The following EFCAB11 variants were observed in gnomAD, a reference collection of about 807,000 sequenced individuals.
EFCAB11 encodes EF-hand calcium-binding domain-containing protein 11.
EFCAB11 carries 14 observed loss-of-function variants against 23.0 expected under a neutral mutation model. The ratio of observed to expected loss-of-function variants is 0.61; its 90% CI spans 0.40 to 0.95. The LOEUF is 0.95. Ranked by LOEUF, EFCAB11 falls within the 40% of genes least tolerant of loss-of-function variation. The pLI is 0.00. For synonymous variants in EFCAB11, 65 were observed against 66.6 expected, an observed-to-expected ratio of 0.98 and a Z score of 0.11; for missense variants, 198 against 195.8, an observed-to-expected ratio of 1.01 and a Z score of -0.07.
chr14:89,860,037 C>T lies in EFCAB11; in HGVS notation c.411-62713G>A, dbSNP rs191003503. On this transcript the variant is annotated intron_variant, in intron 5 of 5. Transcript: ENST00000316738. Reference sequence around the variant, plus strand: ...GTCCTATGACTCTGGTTCTAACGTGCTTTTTCCTTTATTGGCTCCTTTTAG... The same window carrying T: ...GTCCTATGACTCTGGTTCTAACGTGTTTTTTCCTTTATTGGCTCCTTTTAG... 5.9e-5 allele frequency among the ~76,000 whole-genome samples: 9 copies of T among 152,214 alleles called. No individual in the cohort carries two copies. In the East Asian group the frequency reaches 1.5e-3, roughly 26 times the overall value.
intron 5 of EFCAB11, among the ~76,000 whole-genome samples, chr14:89,838,452 A>C (rs118025688): frequency 0.012 from 1,803 of 152,064 alleles, 13 homozygotes; most frequent in Non-Finnish European, 0.019. Context: ...GGAAAAAAAA[A>C]AACCAAAAAA....
At chr14:89,932,714 T>C (rs3752966) in intron 3 of EFCAB11, 87 bp from the exon 4 acceptor site, 145,172 of 975,496 alleles carry the variant, frequency 0.15, 13,877 homozygotes, top group Admixed American at 0.31. Context: ...GTAATAAATC[T>C]CACCAATAAT....
At chr14:89,892,447 C>T (rs1364455548) in intron 5 of EFCAB11, 2 of 1,544,388 alleles carry the variant, frequency 1.3e-6, no homozygotes, top group African/African-American at 2.7e-5. Flanking sequence ...AGTGTTGACT[C>T]TAGGAGAGAA....
chr14:89,858,169 C>T (rs1013019924), intron 5 of EFCAB11, among the ~76,000 whole-genome samples: 23 of 152,186 alleles, frequency 1.5e-4, no homozygotes, highest in African/African-American at 5.3e-4. Context: ...GGCTCTCTTG[C>T]CATGTGGTGA....
chr14:89,934,435 G>C (rs1890508614), intron 3 of EFCAB11, among the ~76,000 whole-genome samples: 1 of 152,162 alleles, frequency 6.6e-6, no homozygotes, highest in Admixed American at 6.5e-5. Flanking sequence ...GCTACTTAAA[G>C]AGAGGAGAAA....
chr14:89,826,860 T>C (rs961811683), intron 5 of EFCAB11, among the ~76,000 whole-genome samples: 6 of 152,136 alleles, frequency 3.9e-5, no homozygotes, highest in East Asian at 3.9e-4. Context: ...CCACAGGGGA[T>C]AGTTTGATTA....
chr14:89,872,830 C>T (rs1174211839), intron 5 of EFCAB11, among the ~76,000 whole-genome samples: 4 of 150,296 alleles, frequency 2.7e-5, no homozygotes, highest in South Asian at 2.1e-4. Context: ...AGAATATGAC[C>T]GTATCCTTAT....
chr14:89,917,060 G>GTC (rs1423171547), intron 5 of EFCAB11, among the ~76,000 whole-genome samples: 2 of 92,630 alleles, frequency 2.2e-5, no homozygotes, highest in East Asian at 6.9e-4. Context: ...CTTCGTGTGT[G>GTC]TGTGTGTGTG....
At chr14:89,916,374 G>C (rs1037033757) in intron 5 of EFCAB11, among the ~76,000 whole-genome samples, 59 of 152,308 alleles carry the variant, frequency 3.9e-4, no homozygotes, top group African/African-American at 1.3e-3. Context: ...ATTTGACTCT[G>C]ATGGCAGGGT....
chr14:89,819,497 A>G (rs887506029), intron 5 of EFCAB11, among the ~76,000 whole-genome samples: 1 of 151,998 alleles, frequency 6.6e-6, no homozygotes, highest in African/African-American at 2.4e-5. Flanking sequence ...ACAGCTCACT[A>G]CAGCCTAAAA....
At chr14:89,860,998 A>G (rs61998717) in intron 5 of EFCAB11, among the ~76,000 whole-genome samples, 3,133 of 152,284 alleles carry the variant, frequency 0.021, 52 homozygotes, top group Non-Finnish European at 0.03. Context: ...CTCAAAGGTC[A>G]ACATTTTGTC....
At chr14:89,893,297 G>A (rs1889040197) in intron 5 of EFCAB11, among the ~76,000 whole-genome samples, 1 of 152,176 alleles carries the variant, frequency 6.6e-6, no homozygotes, top group African/African-American at 2.4e-5. Context: ...AATATGTGAT[G>A]TCAAACCCAG....
chr14:89,942,824 A>T (rs1341060505), intron 3 of EFCAB11, among the ~76,000 whole-genome samples: 3 of 152,160 alleles, frequency 2.0e-5, no homozygotes, highest in African/African-American at 7.2e-5. Context: ...CTTTACTCTT[A>T]TTTCTACTAG....
At chr14:89,842,637 GATATA>G (rs1555372123) in intron 5 of EFCAB11, among the ~76,000 whole-genome samples, 2 of 49,076 alleles carry the variant, frequency 4.1e-5, no homozygotes, top group South Asian at 4.7e-4. Context: ...GATATGATAT[GATATA>G]ATATAATGTC....
rs968257025 is a variant in EFCAB11, at chr14:89,850,402, G to C, written c.411-53078C>G. Among the ~76,000 whole-genome samples, 26 of 152,166 alleles carry C rather than the reference G, an allele frequency of 1.7e-4. 1 individual carries two copies. Among genetic ancestry groups the C allele is most frequent in the Admixed American group, 1.7e-3 (26 of 15,280 alleles). ...GTCTGCACACCAGTAATATCATATG[G>C]GAGCTTGTTAGATGCTAATTTTAGG... is the stretch of plus-strand genomic sequence containing the variant. On this transcript the variant is annotated intron_variant, in intron 5 of 5. Coordinates refer to ENST00000316738, the MANE Select transcript of EFCAB11 (RefSeq NM_145231.4).
chr14:89,850,287 T>C (rs1423487208), intron 5 of EFCAB11, among the ~76,000 whole-genome samples: 1 of 152,222 alleles, frequency 6.6e-6, no homozygotes, highest in African/African-American at 2.4e-5. Context: ...CCATGGAGTA[T>C]TAATATTAAT....
chr14:89,931,540 C>T lies in EFCAB11; in HGVS notation c.410+1G>A, dbSNP rs747309134. 3.7e-6 allele frequency: 6 copies of T among 1,612,580 alleles called. No homozygotes were observed. The highest frequency in any genetic ancestry group is 3.3e-5 in the South Asian group (3 of 90,594). ...TGTACAGAAGGATTTTGATGCCTTACCTGAATACCTCAAGAACAGTCCTTT... is the reference window on the plus strand; with the variant it reads ...TGTACAGAAGGATTTTGATGCCTTATCTGAATACCTCAAGAACAGTCCTTT... On this transcript the variant is annotated splice_donor_variant, in intron 5 of 5. Transcript: ENST00000316738. LOFTEE classifies it high-confidence loss of function.
intron 2 of EFCAB11, among the ~76,000 whole-genome samples, chr14:89,951,133 C>G (rs1246683967): frequency 1.3e-5 from 2 of 152,138 alleles, no homozygotes; most frequent in East Asian, 3.8e-4. Flanking sequence ...CCTCAATAGC[C>G]AGCATATTAT....
At chr14:89,907,876 G>A (rs1889546479) in intron 5 of EFCAB11, among the ~76,000 whole-genome samples, 1 of 152,134 alleles carries the variant, frequency 6.6e-6, no homozygotes, top group Admixed American at 6.5e-5. Context: ...CTGTTGCCTC[G>A]TCAGTAAAAT....
Sources: allele counts gnomAD v4.1 joint callset (sites outside exome capture counted in the v4.1 genomes callset), GRCh38; gene constraint gnomAD v4.1.1; transcripts MANE v1.5; gene names NCBI Gene and HGNC (gene_info 2026-07-23, HGNC 2026-07-21).